Variants in ALOX5AP observed in about 807,000 individuals in gnomAD.
The protein encoded by ALOX5AP is arachidonate 5-lipoxygenase-activating protein.
Under a neutral mutation model 18.5 loss-of-function variants are expected in ALOX5AP, and 9 were observed. That is an observed-to-expected ratio of 0.49 (90% CI 0.29 to 0.85). The LOEUF (loss-of-function observed/expected upper bound fraction) is 0.85, where lower values mean the gene tolerates loss of function less well. Among genes scored for constraint, ALOX5AP ranks in the 40% least tolerant of loss-of-function variants. ALOX5AP has a pLI of 0.08. For synonymous variants in ALOX5AP, 81 were observed against 78.6 expected, an observed-to-expected ratio of 1.03 and a Z score of -0.16; for missense variants, 172 against 202.5, an observed-to-expected ratio of 0.85 and a Z score of 0.91.
chr13:30,750,518 C>G (rs1042808640), intron 2 of ALOX5AP, among the ~76,000 whole-genome samples: 1 of 152,174 alleles, frequency 6.6e-6, no homozygotes, highest in Non-Finnish European at 1.5e-5. Flanking sequence ...GCTTTGGAGA[C>G]AGACTGATTA....
chr13:30,763,877 T>A, intron 4 of ALOX5AP, 67 bp from the exon 5 acceptor site: 1 of 1,474,368 alleles, frequency 6.8e-7, no homozygotes, highest in Non-Finnish European at 9.3e-7. Flanking sequence ...AGGGGTAACA[T>A]TTTTGTGTGT....
intron 1 of ALOX5AP, among the ~76,000 whole-genome samples, chr13:30,716,385 T>C (rs1462607976): frequency 6.6e-6 from 1 of 152,252 alleles, no homozygotes; most frequent in Non-Finnish European, 1.5e-5. Context: ...ATGTAAGATC[T>C]TCTTACTCAA....
intron 1 of ALOX5AP, among the ~76,000 whole-genome samples, chr13:30,741,217 G>A (rs1381990988): frequency 7.4e-6 from 1 of 134,968 alleles, no homozygotes; most frequent in Non-Finnish European, 1.5e-5. Context: ...CCGCCTCCCG[G>A]GTTCATGCCA....
chr13:30,744,245 CAT>C (rs1473602689), intron 2 of ALOX5AP, 86 bp downstream of exon 2: 13 of 1,218,332 alleles, frequency 1.1e-5, no homozygotes, highest in African/African-American at 4.5e-5. Flanking sequence ...CTTAATACCA[CAT>C]GTCTGTCTGA....
chr13:30,730,820 G>A (rs1193962719), upstream of ALOX5AP, among the ~76,000 whole-genome samples: 4 of 152,140 alleles, frequency 2.6e-5, no homozygotes, highest in African/African-American at 9.7e-5. Context: ...CTGAATTGTT[G>A]CCCCCCTGAG....
At chr13:30,734,814 G>A (rs1273592109), upstream of ALOX5AP, among the ~76,000 whole-genome samples, 1 of 152,062 alleles carries the variant, frequency 6.6e-6, no homozygotes, top group Admixed American at 6.5e-5. Flanking sequence ...ACTTTTCTCT[G>A]AAGAAATGGA....
At chr13:30,715,566 G>T (rs1325918551) in intron 1 of ALOX5AP, among the ~76,000 whole-genome samples, 1 of 152,190 alleles carries the variant, frequency 6.6e-6, no homozygotes, top group African/African-American at 2.4e-5. Flanking sequence ...AGTGGGATGG[G>T]GAGGCAGGGA....
At chr13:30,749,897 G>A (rs1362521256) in intron 2 of ALOX5AP, among the ~76,000 whole-genome samples, 1 of 152,202 alleles carries the variant, frequency 6.6e-6, no homozygotes, top group Non-Finnish European at 1.5e-5. Context: ...CACAGATGAA[G>A]GGCTGGCCAT....
intron 1 of ALOX5AP, among the ~76,000 whole-genome samples, chr13:30,739,294 G>A (rs1951744355): frequency 6.6e-6 from 1 of 152,182 alleles, no homozygotes; most frequent in Non-Finnish European, 1.5e-5. Flanking sequence ...AACTGCCTTT[G>A]CAGAGACTGG....
At chr13:30,753,718 C>T (rs1951870239) in intron 3 of ALOX5AP, among the ~76,000 whole-genome samples, 2 of 152,168 alleles carry the variant, frequency 1.3e-5, no homozygotes. Flanking sequence ...GGATTTGTAC[C>T]CTCCTGGTGC....
chr13:30,732,834 A>G (rs138345133), upstream of ALOX5AP, among the ~76,000 whole-genome samples: 31 of 151,994 alleles, frequency 2.0e-4, no homozygotes, highest in East Asian at 6.0e-3. Flanking sequence ...GAGAAGGGAA[A>G]GAGAGAGAGA....
intron 2 of ALOX5AP, among the ~76,000 whole-genome samples, chr13:30,749,009 A>C (rs1951830974): frequency 6.6e-6 from 1 of 152,248 alleles, no homozygotes; most frequent in Non-Finnish European, 1.5e-5. Flanking sequence ...TAGAAGCTGC[A>C]CTTGAAGTCC....
At chr13:30,722,967 T>A (rs1951606111) in intron 1 of ALOX5AP, among the ~76,000 whole-genome samples, 1 of 152,204 alleles carries the variant, frequency 6.6e-6, no homozygotes, top group South Asian at 2.1e-4. Flanking sequence ...ATGCTTCTTG[T>A]ACAGCCTGCA....
At chr13:30,746,858 T>C (rs1199620144) in intron 2 of ALOX5AP, among the ~76,000 whole-genome samples, 1 of 152,210 alleles carries the variant, frequency 6.6e-6, no homozygotes, top group African/African-American at 2.4e-5. Context: ...TTTTGGTTCA[T>C]GGGGTGTGGG....
intron 1 of ALOX5AP, among the ~76,000 whole-genome samples, chr13:30,717,965 C>T (rs1303963736): frequency 6.9e-6 from 1 of 144,152 alleles, no homozygotes; most frequent in Admixed American, 6.9e-5. Context: ...TTTATTTTTT[C>T]TTTTTTTTTT....
At chr13:30,718,479 C>T (rs1200651440) in intron 1 of ALOX5AP, among the ~76,000 whole-genome samples, 1 of 151,138 alleles carries the variant, frequency 6.6e-6, no homozygotes, top group African/African-American at 2.4e-5. Context: ...TCTGACCCAC[C>T]CTTGCCCCCT....
chr13:30,728,531 A>G (rs1225480976), intron 1 of ALOX5AP, among the ~76,000 whole-genome samples: 1 of 152,244 alleles, frequency 6.6e-6, no homozygotes, highest in Non-Finnish European at 1.5e-5. Flanking sequence ...CTGATACAGA[A>G]TATGTATTTT....
chr13:30,758,825 C>CACCTCACCTT (rs1951917756), intron 4 of ALOX5AP, among the ~76,000 whole-genome samples: 1 of 151,262 alleles, frequency 6.6e-6, no homozygotes, highest in African/African-American at 2.4e-5. Flanking sequence ...CACCTCATCT[C>CACCTCACCTT]ACCTCACCTT....
intron 4 of ALOX5AP, among the ~76,000 whole-genome samples, chr13:30,762,543 C>T (rs1027599837): frequency 3.3e-5 from 5 of 150,766 alleles, no homozygotes; most frequent in Non-Finnish European, 5.9e-5. Context: ...GATCTGAGAT[C>T]GTGCCACTGC....
Sources: allele counts gnomAD v4.1 joint callset (sites outside exome capture counted in the v4.1 genomes callset), GRCh38; gene constraint gnomAD v4.1.1; transcripts MANE v1.5; gene names NCBI Gene and HGNC (gene_info 2026-07-23, HGNC 2026-07-21).